PSMD11: variants seen among roughly 807,000 people sequenced by gnomAD.
PSMD11 encodes proteasome 26S subunit, non-ATPase 11.
A neutral mutation model predicts 62.3 loss-of-function variants in PSMD11; 5 were observed. The observed-to-expected ratio is 0.08, with a 90% CI of 0.04 to 0.17. The LOEUF is 0.17. PSMD11 is among the 10% of genes least tolerant of loss of function. The probability of loss-of-function intolerance (pLI) is 1.00; values close to 1 mark genes in which losing one functional copy is unlikely to be tolerated. For missense variants in PSMD11, 310 were observed against 512.9 expected (o/e 0.60, Z 3.82); for synonymous variants, 191 against 191.8 (o/e 1.00, Z 0.03).
At chr17:32,461,598 A>G (rs1168587191) in intron 3 of PSMD11, among the ~76,000 whole-genome samples, 6 of 151,582 alleles carry the variant, frequency 4.0e-5, no homozygotes, top group African/African-American at 1.2e-4. Flanking sequence ...AAAAAGGAAA[A>G]GGAAAAGAAA....
intron 5 of PSMD11, among the ~76,000 whole-genome samples, chr17:32,466,353 G>A (rs1335293074): frequency 6.6e-5 from 10 of 152,080 alleles, no homozygotes; most frequent in Admixed American, 2.6e-4. Flanking sequence ...AGCCCTGGGC[G>A]ATTACTAAGC....
intron 2 of PSMD11, among the ~76,000 whole-genome samples, chr17:32,452,855 A>G (rs1320458636): frequency 1.3e-5 from 2 of 152,206 alleles, no homozygotes; most frequent in Non-Finnish European, 2.9e-5. Flanking sequence ...GTACCTTTAC[A>G]AAGTAGAGTT....
chr17:32,476,033 G>A (rs533250056), intron 8 of PSMD11, among the ~76,000 whole-genome samples: 1 of 152,148 alleles, frequency 6.6e-6, no homozygotes, highest in Admixed American at 6.5e-5. Context: ...GGCGGCTGAG[G>A]TGGGCGGATC....
At chr17:32,479,938 A>AG in intron 11 of PSMD11, 52 bp downstream of exon 11, 4 of 1,585,850 alleles carry the variant, frequency 2.5e-6, no homozygotes, top group South Asian at 1.1e-5. Flanking sequence ...GGTGGCGAGG[A>AG]GGGGTGGCAC....
At chr17:32,477,790 T>C (rs555448339) in intron 9 of PSMD11, 22 of 373,726 alleles carry the variant, frequency 5.9e-5, no homozygotes, top group African/African-American at 4.2e-4. Flanking sequence ...ATATATATTA[T>C]TTATACATAA....
At chr17:32,480,117 G>A (rs1249111604) in intron 11 of PSMD11, 29 bp from the exon 12 acceptor site, 4 of 1,607,372 alleles carry the variant, frequency 2.5e-6, no homozygotes, top group Non-Finnish European at 3.4e-6. Context: ...GTGGATACTG[G>A]TCCCTTTAAT....
At chr17:32,464,878 T>G (rs1907949652) in intron 5 of PSMD11, among the ~76,000 whole-genome samples, 1 of 152,206 alleles carries the variant, frequency 6.6e-6, no homozygotes. Flanking sequence ...TATCTATATT[T>G]TGCATATAGT....
chr17:32,444,703 G>C lies in PSMD11; in HGVS notation c.91+89G>C. ...CAGCGGAGAGGGGCCCGGCTAGCCG[G>C]CTCTGATGCTGCTGACTCACTGTGT... On this transcript the variant is annotated intron_variant, in intron 1 of 13. Transcript: ENST00000261712. 4.6e-6 allele frequency: 7 copies of C among 1,507,498 alleles called. No individual in the cohort carries two copies. In the South Asian group the frequency reaches 8.0e-5, roughly 17 times the overall value. 93.4% of individuals were successfully genotyped at this position (1,507,498 alleles called of 1,614,324 possible).
chr17:32,472,225 GTTT>G (rs796431729), intron 6 of PSMD11, among the ~76,000 whole-genome samples: 1 of 140,790 alleles, frequency 7.1e-6, no homozygotes, highest in Non-Finnish European at 1.6e-5. Context: ...TTGACGTAGA[GTTT>G]TTTTTTTTTT....
chr17:32,475,207 A>G (rs977838151), intron 8 of PSMD11, among the ~76,000 whole-genome samples: 3 of 152,102 alleles, frequency 2.0e-5, no homozygotes, highest in African/African-American at 7.2e-5. Flanking sequence ...TCTGGTGCAT[A>G]TGTGCTTTAG....
At chr17:32,458,453 C>T (rs974853352) in intron 3 of PSMD11, among the ~76,000 whole-genome samples, 4 of 152,224 alleles carry the variant, frequency 2.6e-5, no homozygotes, top group African/African-American at 9.7e-5. Flanking sequence ...AGTCTTATCT[C>T]AAGTTCTACC....
At chr17:32,471,273 T>C (rs1908154021) in intron 6 of PSMD11, among the ~76,000 whole-genome samples, 1 of 152,244 alleles carries the variant, frequency 6.6e-6, no homozygotes, top group Non-Finnish European at 1.5e-5. Flanking sequence ...AGTAGCAGGT[T>C]CAATCAAAGT....
At chr17:32,477,937 G>C (rs1262453163) in intron 9 of PSMD11, 2 of 166,008 alleles carry the variant, frequency 1.2e-5, no homozygotes, top group African/African-American at 4.8e-5. Context: ...CATAGGGTCA[G>C]AGTTTGACTC....
chr17:32,478,365 G>A (rs1354477277), intron 9 of PSMD11, among the ~76,000 whole-genome samples: 1 of 152,220 alleles, frequency 6.6e-6, no homozygotes, highest in Non-Finnish European at 1.5e-5. Flanking sequence ...TACTTGGCAT[G>A]ATTCGCCTGC....
intron 6 of PSMD11, 79 bp from the exon 7 acceptor site, chr17:32,473,722 G>GTCTA: frequency 6.7e-7 from 1 of 1,494,806 alleles, no homozygotes; most frequent in Non-Finnish European, 9.2e-7. Context: ...TTAGGTAGAT[G>GTCTA]TCTAAGCTGC....
At chr17:32,468,976 G>T (rs1388840118) in intron 5 of PSMD11, 23 bp from the exon 6 acceptor site, 3 of 1,608,484 alleles carry the variant, frequency 1.9e-6, no homozygotes, top group South Asian at 2.2e-5. Flanking sequence ...GGCTATAAAG[G>T]AGAATGTCTT....
In PSMD11 at chr17:32,469,143, A is replaced by G; in HGVS notation, c.593A>G (p.Asn198Ser). The change falls in exon 6 of 14, where the codon AAT becomes AGT. Residue 198 changes from asparagine (N) to serine (S), a missense_variant. This residue lies in a region of PSMD11 where 47 missense variants were observed against 117.7 expected (regional missense o/e 0.40). Transcript: ENST00000261712. The stretch of plus-strand genomic sequence containing the variant: ...TTAACTTCTGCTCGAACCACAGCAA[A>G]TGCCATCTACTGCCCCCCTAAATTG... ...AALTSARTTA[N>S]AIYCPPKLQA... is the part of the protein sequence containing the mutation. The G allele has an allele frequency of 6.2e-7, 1 of 1,614,072 alleles. No homozygotes were observed. The highest frequency in any genetic ancestry group is 8.5e-7 in the Non-Finnish European group (1 of 1,180,008).
chr17:32,454,671 C>T (rs1907599217), intron 3 of PSMD11, 52 bp downstream of exon 3: 4 of 1,590,460 alleles, frequency 2.5e-6, no homozygotes, highest in Non-Finnish European at 3.4e-6. Context: ...AGTTTGTTTC[C>T]AAGAAAGAAA....
intron 9 of PSMD11, among the ~76,000 whole-genome samples, chr17:32,478,049 C>G (rs953758556): frequency 6.6e-6 from 1 of 152,152 alleles, no homozygotes. Context: ...TCTTGATGTG[C>G]GTACTTGGAC....
Sources: allele counts gnomAD v4.1 joint callset (sites outside exome capture counted in the v4.1 genomes callset), GRCh38; gene constraint gnomAD v4.1.1; regional missense constraint gnomAD v4.1.1; transcripts MANE v1.5; gene names NCBI Gene and HGNC (gene_info 2026-07-23, HGNC 2026-07-21).